The following CPEB1 variants were observed in gnomAD, a reference collection of about 807,000 sequenced individuals.
CPEB1 encodes cytoplasmic polyadenylation element binding protein 1.
A neutral mutation model predicts 65.8 loss-of-function variants in CPEB1; 7 were observed. The ratio of observed to expected loss-of-function variants is 0.11; its 90% CI spans 0.06 to 0.20. The LOEUF (loss-of-function observed/expected upper bound fraction) is 0.20. Ranked by LOEUF, CPEB1 falls within the 10% of genes least tolerant of loss-of-function variation. CPEB1 has a pLI of 1.00. For synonymous variants in CPEB1, 262 were observed against 260.0 expected, an observed-to-expected ratio of 1.01 and a Z score of -0.08; for missense variants, 551 against 712.2, an observed-to-expected ratio of 0.77 and a Z score of 2.58.
At chr15:82,550,023 A>C (rs1215686228) in intron 9 of CPEB1, among the ~76,000 whole-genome samples, 1 of 152,152 alleles carries the variant, frequency 6.6e-6, no homozygotes, top group East Asian at 1.9e-4. Context: ...AAAGGGCATA[A>C]TCTGAAGTCC....
intron 1 of CPEB1, among the ~76,000 whole-genome samples, chr15:82,639,063 T>TAA (rs923837238): frequency 6.6e-6 from 1 of 152,188 alleles, no homozygotes; most frequent in Non-Finnish European, 1.5e-5. Flanking sequence ...TATAGCCTCT[T>TAA]AAAGGGTTTT....
At chr15:82,578,320 G>A (rs1172559570) in intron 3 of CPEB1, among the ~76,000 whole-genome samples, 2 of 152,106 alleles carry the variant, frequency 1.3e-5, no homozygotes, top group African/African-American at 2.4e-5. Flanking sequence ...GCCAGTAGAT[G>A]ACTAAAAATA....
At chr15:82,598,452 C>G (rs2042839816) in intron 3 of CPEB1, among the ~76,000 whole-genome samples, 1 of 152,016 alleles carries the variant, frequency 6.6e-6, no homozygotes, top group African/African-American at 2.4e-5. Flanking sequence ...TGAGATTGCA[C>G]CACTCCAGCC....
chr15:82,572,253 C>T (rs2040151588), intron 3 of CPEB1, among the ~76,000 whole-genome samples: 1 of 152,196 alleles, frequency 6.6e-6, no homozygotes, highest in Non-Finnish European at 1.5e-5. Flanking sequence ...CCCTGAGCAG[C>T]ACCCTGACAC....
At chr15:82,576,639 G>C (rs1047780858) in intron 3 of CPEB1, among the ~76,000 whole-genome samples, 15 of 152,124 alleles carry the variant, frequency 9.9e-5, no homozygotes, top group African/African-American at 2.9e-4. Flanking sequence ...ATGTATGCTT[G>C]AAAATGTTAC....
chr15:82,618,879 C>T lies in CPEB1; in HGVS notation c.271+8314G>A, dbSNP rs534807703. Among the ~76,000 whole-genome samples, 6 of 152,282 alleles carry T rather than the reference C, an allele frequency of 3.9e-5. No homozygotes were observed. The South Asian group carries it at 1.0e-3, about 26-fold the overall frequency. On this transcript the variant is annotated intron_variant, in intron 3 of 12. Transcript: ENST00000684509. ...TTGTCAACATATCCATTATCCAGAA[C>T]TTGATTCATAGGTTCAACGCAATCC...
At chr15:82,640,398 AC>A (rs1358608931) in intron 1 of CPEB1, among the ~76,000 whole-genome samples, 1 of 152,150 alleles carries the variant, frequency 6.6e-6, no homozygotes, top group Non-Finnish European at 1.5e-5. Flanking sequence ...CAAGTGGACT[AC>A]CAGGTCATAA....
chr15:82,601,098 G>A (rs1015974097), intron 3 of CPEB1, among the ~76,000 whole-genome samples: 1 of 150,634 alleles, frequency 6.6e-6, no homozygotes, highest in Non-Finnish European at 1.5e-5. Context: ...TAGAGACAGG[G>A]TTTCGTCACG....
At chr15:82,647,823 GC>G (rs2047710432), upstream of CPEB1, 3 of 1,282,218 alleles carry the variant, frequency 2.3e-6, no homozygotes, top group South Asian at 2.5e-5. Flanking sequence ...CCGGGACGCG[GC>G]CCCGCCCAGG....
intron 3 of CPEB1, among the ~76,000 whole-genome samples, chr15:82,595,215 C>T (rs935585646): frequency 6.6e-6 from 1 of 152,182 alleles, no homozygotes; most frequent in African/African-American, 2.4e-5. Flanking sequence ...ATCCATTCAT[C>T]ACCAGTTAAT....
At chr15:82,548,726 C>T (rs1472717449) in intron 10 of CPEB1, 2 of 455,712 alleles carry the variant, frequency 4.4e-6, no homozygotes, top group Admixed American at 4.7e-5. Flanking sequence ...CTCCTCCGCT[C>T]CTGGGGCTTC....
chr15:82,606,487 G>C (rs1207612218), intron 3 of CPEB1, among the ~76,000 whole-genome samples: 1 of 141,060 alleles, frequency 7.1e-6, no homozygotes, highest in Non-Finnish European at 1.5e-5. Context: ...AAAAAAAAAA[G>C]CTAGTTCTCA....
At chr15:82,603,362 T>TAA (rs141975043) in intron 3 of CPEB1, among the ~76,000 whole-genome samples, 28 of 147,392 alleles carry the variant, frequency 1.9e-4, no homozygotes, top group South Asian at 1.3e-3. Context: ...AAAGTTTATT[T>TAA]AAAAAAAAAA....
At chr15:82,550,591 G>C (rs1219163608) in intron 9 of CPEB1, among the ~76,000 whole-genome samples, 1 of 152,178 alleles carries the variant, frequency 6.6e-6, no homozygotes, top group Non-Finnish European at 1.5e-5. Context: ...TTACAAGAGG[G>C]GAGCCAATTT....
chr15:82,587,160 T>C (rs752027499), intron 3 of CPEB1, among the ~76,000 whole-genome samples: 9 of 152,198 alleles, frequency 5.9e-5, no homozygotes, highest in Non-Finnish European at 8.8e-5. Context: ...ACAGTTACAA[T>C]ATTCAATGGT....
chr15:82,617,955 G>T (rs1181785476), intron 3 of CPEB1, among the ~76,000 whole-genome samples: 2 of 151,300 alleles, frequency 1.3e-5, no homozygotes, highest in South Asian at 4.2e-4. Flanking sequence ...GGATGGTCTC[G>T]ATCTCCTGAC....
intron 1 of CPEB1, among the ~76,000 whole-genome samples, chr15:82,642,864 G>A (rs2047217859): frequency 6.6e-6 from 1 of 152,126 alleles, no homozygotes; most frequent in African/African-American, 2.4e-5. Flanking sequence ...TCCAATACTA[G>A]CTACTAAAAA....
chr15:82,589,077 G>A (rs1228831825), intron 3 of CPEB1, among the ~76,000 whole-genome samples: 2 of 152,064 alleles, frequency 1.3e-5, no homozygotes, highest in Non-Finnish European at 2.9e-5. Flanking sequence ...CACTTATTTT[G>A]TCTCTATTAT....
intron 3 of CPEB1, among the ~76,000 whole-genome samples, chr15:82,612,027 G>A (rs1056883368): frequency 1.3e-5 from 2 of 151,324 alleles, no homozygotes; most frequent in South Asian, 2.1e-4. Flanking sequence ...TGGCTAACAC[G>A]GTGAAACCCT....
Sources: gnomAD v4.1 joint callset for allele counts (sites outside exome capture counted in the v4.1 genomes callset) on GRCh38, gnomAD v4.1.1 for gene constraint, MANE v1.5 for transcripts, NCBI Gene and HGNC (gene_info 2026-07-23, HGNC 2026-07-21) for gene names.